Variants in PANK3 observed in about 807,000 individuals in gnomAD.
The protein encoded by PANK3 is hPanK3.
A neutral mutation model predicts 39.4 loss-of-function variants in PANK3; 20 were observed. The ratio of observed to expected loss-of-function variants is 0.51; its 90% CI spans 0.36 to 0.74. The LOEUF (loss-of-function observed/expected upper bound fraction) is 0.74. PANK3 is among the 30% of genes least tolerant of loss of function. PANK3 has a pLI of 0.00. For synonymous variants in PANK3, 140 were observed against 157.3 expected, an observed-to-expected ratio of 0.89 and a Z score of 0.82; for missense variants, 265 against 437.0, an observed-to-expected ratio of 0.61 and a Z score of 3.51.
rs145285830 is a variant in PANK3, at chr5:168,578,241, T to C, written c.28+1015A>G. Among the ~76,000 whole-genome samples, 251 of 152,362 alleles carry C rather than the reference T, an allele frequency of 1.6e-3. 2 individuals carry two copies. The highest frequency in any genetic ancestry group is 5.6e-3 in the African/African-American group (233 of 41,578). On this transcript the variant is annotated intron_variant, in intron 1 of 6. Coordinates refer to ENST00000239231, the MANE Select transcript of PANK3 (RefSeq NM_024594.4). ...TTAAGACCAAATTACCTTACAGTTA[T>C]ATAGGAATTTGTAGTTTTCACAGGG...
intron 3 of PANK3, among the ~76,000 whole-genome samples, chr5:168,565,668 GCTGA>G (rs1220766913): frequency 2.0e-5 from 3 of 151,358 alleles, no homozygotes; most frequent in Admixed American, 6.6e-5. Context: ...CCCAACTGAT[GCTGA>G]CTAATAAACA....
chr5:168,565,965 G>A (rs1368684661), intron 3 of PANK3, 48 bp downstream of exon 3: 24 of 1,536,634 alleles, frequency 1.6e-5, no homozygotes, highest in Admixed American at 5.4e-5. Flanking sequence ...CATAACTTCT[G>A]TGTATAAAAC....
intron 1 of PANK3, among the ~76,000 whole-genome samples, chr5:168,569,382 C>G (rs970765838): frequency 1.3e-5 from 2 of 150,406 alleles, no homozygotes; most frequent in African/African-American, 4.9e-5. Flanking sequence ...TTAGTAGAGA[C>G]GGGGTTTCAC....
intron 1 of PANK3, among the ~76,000 whole-genome samples, chr5:168,575,877 A>G (rs1759724018): frequency 6.6e-6 from 1 of 152,202 alleles, no homozygotes; most frequent in Non-Finnish European, 1.5e-5. Flanking sequence ...GGAAACCAAC[A>G]TGAAAAACGC....
Position 168,553,460 on chromosome 5 carries a change from G to A in PANK3, c.*4111C>T, listed in dbSNP as rs1409788681. ...TTGAACTGCACCTGCCAAAGTGGTT[G>A]ACAAAGAGTGCAACAGAAAGGAGCC... On this transcript the variant is annotated 3_prime_UTR_variant, in exon 7 of 7. Transcript: ENST00000239231. 1 of 391,750 alleles carries A rather than the reference G, an allele frequency of 2.6e-6. No individual in the cohort carries two copies. Among genetic ancestry groups the A allele is most frequent in the East Asian group, 7.3e-5 (1 of 13,710 alleles). 24.3% of individuals were successfully genotyped at this position (391,750 alleles called of 1,614,324 possible). A position where few individuals can be genotyped will look rare whatever the true frequency, so the allele number is the denominator to read the frequency against.
intron 1 of PANK3, among the ~76,000 whole-genome samples, chr5:168,571,725 T>C (rs926802563): frequency 2.6e-5 from 4 of 152,212 alleles, no homozygotes; most frequent in Non-Finnish European, 2.9e-5. Flanking sequence ...AGTCTATACA[T>C]TTCTCCATTT....
At chr5:168,569,307 C>A (rs1241027983) in intron 1 of PANK3, among the ~76,000 whole-genome samples, 1 of 149,910 alleles carries the variant, frequency 6.7e-6, no homozygotes, top group South Asian at 2.1e-4. Context: ...GCCTCAGCCT[C>A]CCGAGTAGCT....
chr5:168,557,554 G>T lies in PANK3; in HGVS notation c.*17C>A. Reference sequence around the variant, plus strand: ...CTCTTGGATGACATTTATTAGCAGAGAGAGAGACCTGATGCTTTAGCTGAA... The same window carrying T: ...CTCTTGGATGACATTTATTAGCAGATAGAGAGACCTGATGCTTTAGCTGAA... On this transcript the variant is annotated 3_prime_UTR_variant, in exon 7 of 7. Transcript: ENST00000239231. 1.2e-6 allele frequency: 2 copies of T among 1,609,650 alleles called. No homozygotes were observed. Among genetic ancestry groups the T allele is most frequent in the Admixed American group, 1.7e-5 (1 of 59,832 alleles).
At chr5:168,563,679 TAAA>T (rs11336922) in intron 4 of PANK3, among the ~76,000 whole-genome samples, 1 of 148,684 alleles carries the variant, frequency 6.7e-6, no homozygotes, top group African/African-American at 2.4e-5. Flanking sequence ...ACTCAAAAAT[TAAA>T]AAAAAAAAAG....
chr5:168,558,424 A>G (rs1759387746), intron 6 of PANK3, among the ~76,000 whole-genome samples: 1 of 151,948 alleles, frequency 6.6e-6, no homozygotes, highest in Admixed American at 6.5e-5. Context: ...TTGGCCTCCC[A>G]AAGTGCTGGG....
chr5:168,553,462 C>T lies in PANK3; in HGVS notation c.*4109G>A, dbSNP rs115721227. 5.1e-6 allele frequency: 2 copies of T among 390,388 alleles called. No individual in the cohort carries two copies. The highest frequency in any genetic ancestry group is 4.2e-5 in the African/African-American group (2 of 47,876). 24.2% of individuals were successfully genotyped at this position (390,388 alleles called of 1,614,324 possible). A position where few individuals can be genotyped will look rare whatever the true frequency, so the allele number is the denominator to read the frequency against. On this transcript the variant is annotated 3_prime_UTR_variant, in exon 7 of 7. Transcript: ENST00000239231. Reference sequence around the variant, plus strand: ...GAACTGCACCTGCCAAAGTGGTTGACAAAGAGTGCAACAGAAAGGAGCCAA... The same window carrying T: ...GAACTGCACCTGCCAAAGTGGTTGATAAAGAGTGCAACAGAAAGGAGCCAA...
intron 2 of PANK3, 77 bp from the exon 3 acceptor site, chr5:168,566,343 T>G: frequency 6.9e-7 from 1 of 1,447,816 alleles, no homozygotes; most frequent in Non-Finnish European, 9.2e-7. Flanking sequence ...CTGTATTACT[T>G]TACAAAAATT....
chr5:168,550,447 A>G lies in PANK3; in HGVS notation c.*7124T>C, dbSNP rs1759259465. 2.0e-5 allele frequency: 3 copies of G among 152,224 alleles called. No homozygotes were observed. Among genetic ancestry groups the G allele is most frequent in the Admixed American group, 1.3e-4 (2 of 15,286 alleles). 9.4% of individuals were successfully genotyped at this position (152,224 alleles called of 1,614,324 possible). Reference sequence around the variant, plus strand: ...TTTTTTGTACAATGAAAAAGTCATAATGCCCATATAATTCTGAAGTTAACA... The same window carrying G: ...TTTTTTGTACAATGAAAAAGTCATAGTGCCCATATAATTCTGAAGTTAACA... On this transcript the variant is annotated 3_prime_UTR_variant, in exon 7 of 7. Transcript: ENST00000239231.
intron 1 of PANK3, among the ~76,000 whole-genome samples, chr5:168,578,957 AGAG>A (rs758646693): frequency 3.9e-5 from 6 of 152,188 alleles, no homozygotes; most frequent in Non-Finnish European, 8.8e-5. Flanking sequence ...GGGAGCTGGG[AGAG>A]GAGACTAGTC....
At position 168,570,937 on chromosome 5, in the gene PANK3, T is replaced by C. The variant is rs111577805; in HGVS notation, c.29-1939A>G. Reference sequence around the variant, plus strand: ...TTAAGTAACACCCTCTTGAAAAAAATGGTATAGACCATTTACAAAACCCTT... The same window carrying C: ...TTAAGTAACACCCTCTTGAAAAAAACGGTATAGACCATTTACAAAACCCTT... On this transcript the variant is annotated intron_variant, in intron 1 of 6. Transcript: ENST00000239231. Among the ~76,000 whole-genome samples, 670 of 152,200 alleles carry C rather than the reference T, an allele frequency of 4.4e-3. 11 individuals are homozygous for C. The highest frequency in any genetic ancestry group is 0.015 in the African/African-American group (632 of 41,530).
In PANK3 at chr5:168,566,339, T is replaced by C. The variant is rs188833944; in HGVS notation, c.382-73A>G. 83 of 1,465,094 alleles carry C rather than the reference T, an allele frequency of 5.7e-5. No individual in the cohort carries two copies. The South Asian group carries it at 9.5e-4, about 17-fold the overall frequency. 90.8% of individuals were successfully genotyped at this position (1,465,094 alleles called of 1,614,324 possible). A position where few individuals can be genotyped will look rare whatever the true frequency, so the allele number is the denominator to read the frequency against. ...ACTCAACTATATGATTTTCCTGTAT[T>C]ACTTTACAAAAATTAAAAATGGTCT... On this transcript the variant is annotated intron_variant, in intron 2 of 6. Coordinates refer to ENST00000239231, the MANE Select transcript of PANK3 (RefSeq NM_024594.4).
intron 5 of PANK3, among the ~76,000 whole-genome samples, chr5:168,559,808 T>G (rs561059083): frequency 6.6e-6 from 1 of 152,254 alleles, no homozygotes; most frequent in Admixed American, 6.5e-5. Flanking sequence ...CAACTGTGGA[T>G]TCTACAGAAT....
chr5:168,565,855 C>CT (rs1759514317), intron 3 of PANK3, among the ~76,000 whole-genome samples, 158 bp downstream of exon 3: 5 of 61,614 alleles, frequency 8.1e-5, no homozygotes, highest in Non-Finnish European at 1.4e-4. Context: ...CCCTCTTTCA[C>CT]TTAAAAAAAA....
At position 168,553,951 on chromosome 5, in the gene PANK3, C is replaced by T. The variant is rs868650076; in HGVS notation, c.*3620G>A. ...ATTATGAACAACGGCAACAAAACCA[C>T]GTTTATCCCAAATAAATGTTACAGG... On this transcript the variant is annotated 3_prime_UTR_variant, in exon 7 of 7. Coordinates refer to ENST00000239231, the MANE Select transcript of PANK3 (RefSeq NM_024594.4). 1.3e-5 allele frequency: 2 copies of T among 152,156 alleles called. No homozygotes were observed. The highest frequency in any genetic ancestry group is 2.1e-4 in the South Asian group (1 of 4,826). The allele number at this position is 152,156 out of a possible 1,614,324, so 9.4% of individuals were successfully genotyped here.
Sources: gnomAD v4.1 joint callset for allele counts (sites outside exome capture counted in the v4.1 genomes callset) on GRCh38, gnomAD v4.1.1 for gene constraint, MANE v1.5 for transcripts, NCBI Gene and HGNC (gene_info 2026-07-23, HGNC 2026-07-21) for gene names.